SGSM1: variants seen among roughly 807,000 people sequenced by gnomAD.
The protein encoded by SGSM1 is small G protein signaling modulator 1.
Under a neutral mutation model 133.8 loss-of-function variants are expected in SGSM1, and 73 were observed. The ratio of observed to expected loss-of-function variants is 0.55; its 90% CI spans 0.45 to 0.66. The LOEUF (loss-of-function observed/expected upper bound fraction) is 0.66. Among genes scored for constraint, SGSM1 ranks in the 30% least tolerant of loss-of-function variants. SGSM1 has a pLI of 0.00. For missense variants in SGSM1, 1,213 were observed against 1,448.1 expected, an observed-to-expected ratio of 0.84 and a Z score of 2.64; for synonymous variants, 563 against 573.0, an observed-to-expected ratio of 0.98 and a Z score of 0.25.
chr22:24,898,276 T>C lies in SGSM1; in HGVS notation c.2327T>C (p.Leu776Pro). Residue 776 changes from leucine to proline, a missense_variant, in exon 19 of 25, where the codon CTG (leucine) becomes CCG (proline). Physicochemically the swap from Leu to Pro is moderately conservative, Grantham distance 98 (BLOSUM62 -3). Transcript: ENST00000400358. ...CAGGATGAGGCTCCCCGGGAGGAGC[T>C]GGCCGTGCAGGACAGCCTGGAGAGT... is the stretch of plus-strand genomic sequence containing the variant. Reference protein sequence around the residue: ...TSQDEAPREELAVQDSLESDL... With the variant: ...TSQDEAPREEPAVQDSLESDL... The C allele has an allele frequency of 6.2e-7, 1 of 1,613,812 alleles. No homozygotes were observed. Among genetic ancestry groups the C allele is most frequent in the Non-Finnish European group, 8.5e-7 (1 of 1,179,800 alleles).
Position 24,900,029 on chromosome 22 carries a change from C to CT in SGSM1, c.2610+1485dup, listed in dbSNP as rs61298228. Among the ~76,000 whole-genome samples the CT allele has an allele frequency of 3.8e-3, 513 of 133,344 alleles. 3 individuals carry two copies. The highest frequency in any genetic ancestry group is 9.5e-3 in the African/African-American group (326 of 34,334). 87.5% of individuals were successfully genotyped at this position (133,344 alleles called of 152,430 possible). On this transcript the variant is annotated intron_variant, in intron 19 of 24. Coordinates refer to ENST00000400358, the MANE Select transcript of SGSM1 (RefSeq NM_001098497.3). ...TACTTGATTATTTTATAGTCTCTTGCTTTTTTTTTTTTTTTGAAATAGTCT... is the reference window on the plus strand; with the variant it reads ...TACTTGATTATTTTATAGTCTCTTGCTTTTTTTTTTTTTTTTGAAATAGTCT...
chr22:24,886,193 G>A (rs1932587566), intron 15 of SGSM1, among the ~76,000 whole-genome samples: 1 of 151,510 alleles, frequency 6.6e-6, no homozygotes, highest in Non-Finnish European at 1.5e-5. Context: ...CTGGGGTCAG[G>A]AGTTCGAGAC....
chr22:24,861,956 CT>C (rs551010251), intron 9 of SGSM1, among the ~76,000 whole-genome samples: 2,919 of 116,432 alleles, frequency 0.025, 44 homozygotes, highest in East Asian at 0.11. Flanking sequence ...TTCTTTCTTT[CT>C]TTTTTTTTTT....
intron 10 of SGSM1, among the ~76,000 whole-genome samples, chr22:24,868,061 A>G (rs1216310294): frequency 6.6e-6 from 1 of 152,054 alleles, no homozygotes; most frequent in Non-Finnish European, 1.5e-5. Context: ...GGTCAGGTAG[A>G]CTTGTAAAGG....
chr22:24,900,387 C>CTTTCTTTCTTTCTT (rs1933103836), intron 19 of SGSM1, among the ~76,000 whole-genome samples: 1 of 72,892 alleles, frequency 1.4e-5, no homozygotes, highest in East Asian at 1.0e-3. Flanking sequence ...TTCTTTCTTT[C>CTTTCTTTCTTTCTT]TTTCTTTCTT....
chr22:24,814,783 C>T (rs998967282), intron 2 of SGSM1, among the ~76,000 whole-genome samples: 5 of 152,226 alleles, frequency 3.3e-5, no homozygotes, highest in African/African-American at 9.6e-5. Context: ...GGTGCTACAG[C>T]CCCCAGGGCA....
chr22:24,924,252 A>C lies in SGSM1; in HGVS notation c.3260A>C (p.Gln1087Pro). 6.2e-7 allele frequency: 1 copy of C among 1,613,994 alleles called. No individual in the cohort carries two copies. The highest frequency in any genetic ancestry group is 8.5e-7 in the Non-Finnish European group (1 of 1,179,882). ...GCGCGGGACCTCGTGTACAAGGTGC[A>C]GACTCTGATTGAGAACAAGTGAGGG... ...KLARDLVYKV[Q>P]TLIENK The change falls in exon 25 of 25, where the codon CAG becomes CCG. Residue 1087 changes from glutamine (Q) to proline (P), a missense_variant. Gln to Pro is a moderately conservative substitution (Grantham distance 76, BLOSUM62 -1). Transcript: ENST00000400358.
chr22:24,888,341 T>G (rs1932726672), intron 16 of SGSM1, among the ~76,000 whole-genome samples: 1 of 152,214 alleles, frequency 6.6e-6, no homozygotes, highest in African/African-American at 2.4e-5. Context: ...GGTAAAATCT[T>G]TTGAGTTTTT....
intron 16 of SGSM1, among the ~76,000 whole-genome samples, chr22:24,891,698 G>A (rs1932816981): frequency 6.6e-6 from 1 of 152,148 alleles, no homozygotes; most frequent in Non-Finnish European, 1.5e-5. Context: ...GGGTTGTGGT[G>A]GTCACTGGTG....
intron 2 of SGSM1, among the ~76,000 whole-genome samples, chr22:24,834,852 C>G (rs1414347584): frequency 6.6e-6 from 1 of 151,718 alleles, no homozygotes; most frequent in Non-Finnish European, 1.5e-5. Flanking sequence ...CAGGCCTGGC[C>G]CTGGATCTTC....
chr22:24,889,634 C>A (rs1932770294), intron 16 of SGSM1, among the ~76,000 whole-genome samples: 1 of 151,286 alleles, frequency 6.6e-6, no homozygotes, highest in African/African-American at 2.4e-5. Flanking sequence ...GCGTGAGCCA[C>A]CGGGCCTGGC....
At chr22:24,868,263 C>G in intron 10 of SGSM1, 113 bp from the exon 11 acceptor site, 3 of 1,419,288 alleles carry the variant, frequency 2.1e-6, no homozygotes. Context: ...AGCCTCAGAG[C>G]AGGATCCCTG....
chr22:24,883,072 T>TTA lies in SGSM1; in HGVS notation c.1496-980_1496-979insAT, dbSNP rs1491581348. The stretch of plus-strand genomic sequence containing the variant: ...GCCACCATGAGCTAATTTTTTTGTA[T>TTA]TTTTTTTTTTTTTAGTAGAGACGGG... On this transcript the variant is annotated intron_variant, in intron 14 of 24. Transcript: ENST00000400358. Among the ~76,000 whole-genome samples, 4 of 77,842 alleles carry TTA rather than the reference T, an allele frequency of 5.1e-5. No homozygotes were observed. In the East Asian group the frequency reaches 1.4e-3, roughly 27 times the overall value. 51.1% of individuals were successfully genotyped at this position (77,842 alleles called of 152,430 possible).
Position 24,806,270 on chromosome 22 carries a change from T to TACCGCCGCC in SGSM1, c.-40_-32dup, listed in dbSNP as rs540497759. ...GCAGCAGCGCCGCGGCCGGAGGAGC[T>TACCGCCGCC]ACCGCCGCCACCGCCGCCACCGCCT... On this transcript the variant is annotated 5_prime_UTR_variant, in exon 1 of 25. Transcript: ENST00000400358. 7,836 of 1,397,436 alleles carry TACCGCCGCC rather than the reference T, an allele frequency of 5.6e-3. 25 individuals are homozygous for TACCGCCGCC. Among genetic ancestry groups the TACCGCCGCC allele is most frequent in the Middle Eastern group, 0.013 (51 of 3,848 alleles). 86.6% of individuals were successfully genotyped at this position (1,397,436 alleles called of 1,614,324 possible). A position where few individuals can be genotyped will look rare whatever the true frequency, so the allele number is the denominator to read the frequency against.
rs1213747534 is a variant in SGSM1 at position 24,868,387 on chromosome 22, G to A, written c.1006G>A (p.Gly336Arg). 1.9e-6 allele frequency: 3 copies of A among 1,609,146 alleles called. No individual in the cohort carries two copies. The highest frequency in any genetic ancestry group is 1.1e-5 in the South Asian group (1 of 90,914). Residue 336 changes from glycine (G) to arginine (R), a missense_variant, in exon 11 of 25, where the codon GGG becomes AGG. Transcript: ENST00000400358. ...GGTGGTGGCGGCAGTTGACAGCGGCGGGACAGTGGTATTGGTCAGCCAGGA... is the reference window on the plus strand; with the variant it reads ...GGTGGTGGCGGCAGTTGACAGCGGCAGGACAGTGGTATTGGTCAGCCAGGA... ...LHCHQQVDSGGTVVLVSQDGI... is the reference protein window; with the variant it reads ...LHCHQQVDSGRTVVLVSQDGI...
chr22:24,860,916 A>ATATAT (rs1227681720), intron 9 of SGSM1, among the ~76,000 whole-genome samples: 30 of 90,294 alleles, frequency 3.3e-4, no homozygotes, highest in African/African-American at 9.7e-4. Flanking sequence ...AAAAAAAAAA[A>ATATAT]AAAAAAATAT....
intron 5 of SGSM1, among the ~76,000 whole-genome samples, 152 bp downstream of exon 5, chr22:24,850,584 T>G (rs189061855): frequency 6.6e-6 from 1 of 152,304 alleles, no homozygotes; most frequent in Admixed American, 6.5e-5. Context: ...TTGGGTAGAT[T>G]CAAGAGCTTA....
intron 2 of SGSM1, among the ~76,000 whole-genome samples, chr22:24,838,267 A>G (rs184358504): frequency 1.3e-5 from 2 of 152,346 alleles, no homozygotes; most frequent in East Asian, 3.9e-4. Flanking sequence ...CACTGAGATG[A>G]CAAGTATTGC....
In SGSM1 at chr22:24,912,626, C is replaced by G. The variant is rs369152013; in HGVS notation, c.2819-17C>G. 49 of 1,576,266 alleles carry G rather than the reference C, an allele frequency of 3.1e-5. No individual in the cohort carries two copies. The highest frequency in any genetic ancestry group is 4.3e-5 in the Non-Finnish European group (49 of 1,149,820). ...TTGGGCAGCGGGGCATCTGACTGTT[C>G]TGTGATGCTTTCTCAGAGGCCCTTG... is the stretch of plus-strand genomic sequence containing the variant. On this transcript the variant is annotated splice_polypyrimidine_tract_variant and intron_variant, in intron 21 of 24. Coordinates refer to ENST00000400358, the MANE Select transcript of SGSM1 (RefSeq NM_001098497.3).
Sources: gnomAD v4.1 joint callset for allele counts (sites outside exome capture counted in the v4.1 genomes callset) on GRCh38, gnomAD v4.1.1 for gene constraint, MANE v1.5 for transcripts, NCBI Gene and HGNC (gene_info 2026-07-23, HGNC 2026-07-21) for gene names.